The following TIAM2 variants were observed in gnomAD, a reference collection of about 807,000 sequenced individuals.
TIAM2 encodes the protein rho guanine nucleotide exchange factor TIAM2.
A neutral mutation model predicts 152.9 loss-of-function variants in TIAM2; 80 were observed. The ratio of observed to expected loss-of-function variants is 0.52; its 90% confidence interval spans 0.44 to 0.63. The LOEUF is 0.63. Ranked by LOEUF, TIAM2 falls within the 30% of genes least tolerant of loss-of-function variation. The pLI, the probability that TIAM2 is intolerant of heterozygous loss-of-function variation, is 0.00. For missense variants in TIAM2, 1,965 were observed against 2,120.1 expected, an observed-to-expected ratio of 0.93 and a Z score of 1.44; for synonymous variants, 804 against 838.0, an observed-to-expected ratio of 0.96 and a Z score of 0.70.
Position 155,249,840 on chromosome 6 carries a change from A to C in TIAM2, c.3833-11A>C, listed in dbSNP as rs1216729671. The C allele has an allele frequency of 6.3e-7, 1 of 1,596,002 alleles. No homozygotes were observed. Among genetic ancestry groups the C allele is most frequent in the Non-Finnish European group, 8.6e-7 (1 of 1,166,982 alleles). On this transcript the variant is annotated splice_polypyrimidine_tract_variant and intron_variant, in intron 20 of 26. Coordinates refer to ENST00000682666, the MANE Select transcript of TIAM2 (RefSeq NM_012454.4). ...ACAGTTATGAAATAAATATGATTTCATATCTTGCAGAAGCACTAAAGGCAA... is the reference window on the plus strand; with the variant it reads ...ACAGTTATGAAATAAATATGATTTCCTATCTTGCAGAAGCACTAAAGGCAA...
At chr6:155,131,875 G>A (rs543126982) in intron 4 of TIAM2, among the ~76,000 whole-genome samples, 4 of 152,176 alleles carry the variant, frequency 2.6e-5, no homozygotes, top group Non-Finnish European at 5.9e-5. Flanking sequence ...CACCACATCC[G>A]GCCTATATGT....
chr6:155,125,330 C>T (rs1177730386), intron 2 of TIAM2, among the ~76,000 whole-genome samples: 3 of 152,042 alleles, frequency 2.0e-5, no homozygotes, highest in African/African-American at 7.2e-5. Context: ...CCAATAAGCA[C>T]ATGAAAAAGA....
At chr6:155,181,758 TAA>T (rs1032472109) in intron 12 of TIAM2, among the ~76,000 whole-genome samples, 2 of 152,254 alleles carry the variant, frequency 1.3e-5, no homozygotes, top group Non-Finnish European at 2.9e-5. Flanking sequence ...GCTACTCACG[TAA>T]ATAGTATCAT....
chr6:155,206,961 G>A (rs1363575808), intron 14 of TIAM2, among the ~76,000 whole-genome samples: 1 of 152,188 alleles, frequency 6.6e-6, no homozygotes, highest in Non-Finnish European at 1.5e-5. Flanking sequence ...CTGAGTTCAG[G>A]GTGGGCAGGA....
At chr6:155,123,835 G>C (rs1388300414) in intron 2 of TIAM2, among the ~76,000 whole-genome samples, 2 of 152,136 alleles carry the variant, frequency 1.3e-5, no homozygotes, top group Non-Finnish European at 2.9e-5. Flanking sequence ...GCTGGACCTT[G>C]GTCTTTACAA....
chr6:155,223,849 C>G (rs553147612), intron 15 of TIAM2, among the ~76,000 whole-genome samples: 32 of 152,274 alleles, frequency 2.1e-4, no homozygotes, highest in South Asian at 1.0e-3. Flanking sequence ...CACCCTTCCC[C>G]TTTCCATGTC....
At chr6:155,072,699 T>C (rs1037809189) in intron 1 of TIAM2, among the ~76,000 whole-genome samples, 2 of 151,968 alleles carry the variant, frequency 1.3e-5, no homozygotes, top group Non-Finnish European at 2.9e-5. Flanking sequence ...TCAATGATAG[T>C]GAAAGCCGTG....
intron 1 of TIAM2, among the ~76,000 whole-genome samples, chr6:155,043,633 CAAAAAAAAAAAAAAA>C (rs60093259): frequency 2.0e-5 from 1 of 50,250 alleles, no homozygotes; most frequent in Non-Finnish European, 3.7e-5. Flanking sequence ...GACCCTGTCT[CAAAAAAAAAAAAAAA>C]AAAAAAAAAG....
chr6:155,045,245 G>A (rs1035669954), intron 1 of TIAM2, among the ~76,000 whole-genome samples: 6 of 151,796 alleles, frequency 4.0e-5, no homozygotes, highest in Non-Finnish European at 8.8e-5. Flanking sequence ...TGTAGTTTTA[G>A]TAGAGATGGG....
Position 155,144,742 on chromosome 6 carries a change from C to T in TIAM2, c.1767C>T (p.Cys589=). ...ATCCCAAGAAAGAAAATGTGTTCTG[C>T]CTCAGCAACTCCTTTGGAGATGTCT... ...PEHPKKENVF[C]LSNSFGDVYL... The change falls in exon 6 of 27, where the codon TGC becomes TGT. Residue 589 remains cysteine (C), a synonymous_variant. Coordinates refer to ENST00000682666, the MANE Select transcript of TIAM2 (RefSeq NM_012454.4). 1 of 1,610,380 alleles carries T rather than the reference C, an allele frequency of 6.2e-7. No individual in the cohort carries two copies. Among genetic ancestry groups the T allele is most frequent in the Admixed American group, 1.7e-5 (1 of 59,228 alleles).
At chr6:155,001,961 T>C (rs1241188587) in intron 1 of TIAM2, among the ~76,000 whole-genome samples, 1 of 152,224 alleles carries the variant, frequency 6.6e-6, no homozygotes, top group Non-Finnish European at 1.5e-5. Context: ...TGATGAATTT[T>C]AGTGCAATAT....
intron 1 of TIAM2, among the ~76,000 whole-genome samples, chr6:155,022,161 A>G (rs1285673499): frequency 6.6e-6 from 1 of 152,198 alleles, no homozygotes; most frequent in Non-Finnish European, 1.5e-5. Context: ...TTTCTATAAA[A>G]TCATTTGAGA....
chr6:155,115,941 A>G (rs964268145), intron 2 of TIAM2, among the ~76,000 whole-genome samples: 4 of 152,144 alleles, frequency 2.6e-5, no homozygotes, highest in African/African-American at 7.2e-5. Context: ...GTGAAACCCT[A>G]TCTCTACTAC....
chr6:155,060,453 A>G (rs1777551064), intron 1 of TIAM2, among the ~76,000 whole-genome samples: 1 of 152,242 alleles, frequency 6.6e-6, no homozygotes, highest in African/African-American at 2.4e-5. Flanking sequence ...CTTTTGCCAT[A>G]AAGATTGTTT....
intron 14 of TIAM2, among the ~76,000 whole-genome samples, chr6:155,200,104 C>G (rs934881186): frequency 7.9e-5 from 12 of 151,934 alleles, no homozygotes; most frequent in Non-Finnish European, 1.5e-4. Flanking sequence ...AGAGTAAAAC[C>G]CAGTTATAAT....
intron 14 of TIAM2, among the ~76,000 whole-genome samples, chr6:155,190,387 C>T (rs1301544764): frequency 6.6e-6 from 1 of 152,168 alleles, no homozygotes; most frequent in African/African-American, 2.4e-5. Context: ...CCTAAGTCTT[C>T]CTCAGCACTG....
At chr6:155,206,390 C>T (rs1366273375) in intron 14 of TIAM2, among the ~76,000 whole-genome samples, 2 of 152,146 alleles carry the variant, frequency 1.3e-5, no homozygotes, top group East Asian at 3.8e-4. Context: ...CACCCACCAC[C>T]AGGCCCGGCT....
At chr6:155,212,174 G>GT (rs1048961492) in intron 15 of TIAM2, among the ~76,000 whole-genome samples, 47 of 152,332 alleles carry the variant, frequency 3.1e-4, no homozygotes, top group African/African-American at 1.1e-3. Flanking sequence ...GAATGTTGGT[G>GT]TAAGAGTTAT....
intron 1 of TIAM2, among the ~76,000 whole-genome samples, chr6:155,028,176 G>A (rs142724489): frequency 1.3e-4 from 15 of 118,026 alleles, no homozygotes; most frequent in South Asian, 2.8e-4. Context: ...TATAATATAT[G>A]TACTGTGTTA....
Sources: gnomAD v4.1 joint callset for allele counts (sites outside exome capture counted in the v4.1 genomes callset) on GRCh38, gnomAD v4.1.1 for gene constraint, MANE v1.5 for transcripts, NCBI Gene and HGNC (gene_info 2026-07-23, HGNC 2026-07-21) for gene names.